The following C8orf34 variants were observed in gnomAD, a reference collection of about 807,000 sequenced individuals.
C8orf34 encodes chromosome 8 open reading frame 34, also known as uncharacterized protein C8orf34.
In C8orf34, 65 loss-of-function variants were observed where a neutral mutation model predicts 68.3. The ratio of observed to expected loss-of-function variants is 0.95; its 90% CI spans 0.78 to 1.17. The LOEUF (loss-of-function observed/expected upper bound fraction) is 1.17, where lower values mean the gene tolerates loss of function less well. Ranked by LOEUF, C8orf34 falls within the 50% of genes most tolerant of loss-of-function variation. C8orf34 has a pLI of 0.00. For synonymous variants in C8orf34, 244 were observed against 241.2 expected, an observed-to-expected ratio of 1.01 and a Z score of -0.11; for missense variants, 664 against 655.4, an observed-to-expected ratio of 1.01 and a Z score of -0.14.
At chr8:68,413,766 T>C (rs1420559740) in intron 1 of C8orf34, among the ~76,000 whole-genome samples, 2 of 152,238 alleles carry the variant, frequency 1.3e-5, no homozygotes, top group African/African-American at 4.8e-5. Context: ...TATAGTTCAC[T>C]AGTTTCTGAA....
intron 7 of C8orf34, among the ~76,000 whole-genome samples, chr8:68,630,866 A>G (rs1201468940): frequency 6.6e-6 from 1 of 151,650 alleles, no homozygotes; most frequent in Non-Finnish European, 1.5e-5. Flanking sequence ...TGCAGCCTCA[A>G]CCTCATGGGC....
intron 12 of C8orf34, among the ~76,000 whole-genome samples, chr8:68,794,811 A>AT (rs1824130118): frequency 6.6e-6 from 1 of 151,990 alleles, no homozygotes; most frequent in African/African-American, 2.4e-5. Flanking sequence ...TGTATTATAC[A>AT]TACCAGTTGA....
At chr8:68,349,609 CT>C (rs1012781103) in intron 1 of C8orf34, among the ~76,000 whole-genome samples, 7 of 151,762 alleles carry the variant, frequency 4.6e-5, no homozygotes, top group African/African-American at 1.7e-4. Context: ...AGGGTCCAGG[CT>C]TTTTTTAGTT....
chr8:68,625,404 T>C, intron 7 of C8orf34: 1 of 495,318 alleles, frequency 2.0e-6, no homozygotes, highest in Non-Finnish European at 3.6e-6. Flanking sequence ...GGTTGTGAGG[T>C]GACAGAATGC....
At chr8:68,719,912 G>T (rs1335030160) in intron 9 of C8orf34, among the ~76,000 whole-genome samples, 3 of 151,922 alleles carry the variant, frequency 2.0e-5, no homozygotes, top group African/African-American at 7.2e-5. Context: ...AGTAGCATTT[G>T]CTCACAGTTC....
intron 11 of C8orf34, among the ~76,000 whole-genome samples, chr8:68,777,989 T>G (rs1823570394): frequency 6.6e-6 from 1 of 152,326 alleles, no homozygotes; most frequent in South Asian, 2.1e-4. Context: ...ATTATTGACT[T>G]ATAGTGAGAT....
intron 1 of C8orf34, among the ~76,000 whole-genome samples, chr8:68,379,419 CA>C (rs1431433784): frequency 6.6e-6 from 1 of 152,304 alleles, no homozygotes; most frequent in East Asian, 1.9e-4. Flanking sequence ...CACATTCCTA[CA>C]GGTACATTAA....
chr8:68,462,892 A>G (rs1811912305), intron 3 of C8orf34, among the ~76,000 whole-genome samples: 2 of 152,174 alleles, frequency 1.3e-5, no homozygotes, highest in Admixed American at 1.3e-4. Context: ...CTAGAAAAGC[A>G]AGAGCAAACA....
At position 68,655,061 on chromosome 8, in the gene C8orf34, C is replaced by T. The variant is rs80307248; in HGVS notation, c.1241+14550C>T. Among the ~76,000 whole-genome samples the T allele has an allele frequency of 9.7e-4, 148 of 152,088 alleles. No homozygotes were observed. In the East Asian group the frequency reaches 0.022, roughly 23 times the overall value. ...TAGAGGCTTTAATAAAAATCACTGG[C>T]GTTTATTTACATTTAATACCCATTT... On this transcript the variant is annotated intron_variant, in intron 8 of 13. Coordinates refer to ENST00000518698, the MANE Select transcript of C8orf34 (RefSeq NM_052958.4).
At chr8:68,734,596 G>T (rs1822071880) in intron 10 of C8orf34, among the ~76,000 whole-genome samples, 1 of 152,124 alleles carries the variant, frequency 6.6e-6, no homozygotes, top group Non-Finnish European at 1.5e-5. Context: ...CTTCTGGCCA[G>T]TGCCCCACCT....
chr8:68,591,304 C>T (rs1445463362), intron 7 of C8orf34, among the ~76,000 whole-genome samples: 1 of 152,122 alleles, frequency 6.6e-6, no homozygotes, highest in African/African-American at 2.4e-5. Flanking sequence ...AGAGAATATT[C>T]AGAAGCTACA....
At chr8:68,498,047 C>T (rs183359659) in intron 5 of C8orf34, among the ~76,000 whole-genome samples, 41 of 152,272 alleles carry the variant, frequency 2.7e-4, no homozygotes, top group African/African-American at 7.9e-4. Context: ...AGGCTGCTCT[C>T]GACCTCCCGA....
chr8:68,531,225 G>A (rs1266268765), intron 6 of C8orf34, among the ~76,000 whole-genome samples: 24 of 152,006 alleles, frequency 1.6e-4, no homozygotes, highest in Admixed American at 1.6e-3. Context: ...ATCTAATGTA[G>A]AGTCCACTTT....
At position 68,723,002 on chromosome 8, in the gene C8orf34, T is replaced by C. The variant is rs919190242; in HGVS notation, c.1404+1565T>C. ...ATTCAATGCAGAGATATCTAACCTA[T>C]AGATAAGGAAACAGAAATTCAGAGA... On this transcript the variant is annotated intron_variant, in intron 10 of 13. Coordinates refer to ENST00000518698, the MANE Select transcript of C8orf34 (RefSeq NM_052958.4). Among the ~76,000 whole-genome samples the C allele has an allele frequency of 8.5e-5, 13 of 152,130 alleles. No homozygotes were observed. The East Asian group carries it at 1.7e-3, about 20-fold the overall frequency.
chr8:68,632,111 G>A (rs1374125135), intron 7 of C8orf34, among the ~76,000 whole-genome samples: 2 of 152,162 alleles, frequency 1.3e-5, no homozygotes, highest in African/African-American at 4.8e-5. Context: ...ACTTCCTAGA[G>A]ACTTGTTGAA....
rs540394036 is a variant in C8orf34 at position 68,702,471 on chromosome 8, C to T, written c.1242-6523C>T. Among the ~76,000 whole-genome samples the T allele has an allele frequency of 4.0e-5, 6 of 151,898 alleles. No individual in the cohort carries two copies. The South Asian group carries it at 1.2e-3, about 31-fold the overall frequency. ...TGGATATATTGTTTGTTACTTGCAA[C>T]GTATTCAATTCTTATTCAATTCAAA... On this transcript the variant is annotated intron_variant, in intron 8 of 13. Transcript: ENST00000518698.
intron 10 of C8orf34, among the ~76,000 whole-genome samples, chr8:68,726,887 G>A (rs1821846253): frequency 6.6e-6 from 1 of 151,996 alleles, no homozygotes; most frequent in African/African-American, 2.4e-5. Context: ...GGGAATTCTG[G>A]GATTTACAAT....
intron 1 of C8orf34, among the ~76,000 whole-genome samples, chr8:68,370,968 C>G (rs192170270): frequency 9.0e-4 from 137 of 152,176 alleles, no homozygotes; most frequent in African/African-American, 3.1e-3. Context: ...TGGTATCTGA[C>G]TCTTAAAAAA....
intron 1 of C8orf34, among the ~76,000 whole-genome samples, chr8:68,423,613 A>G (rs1044802840): frequency 1.3e-5 from 2 of 151,568 alleles, no homozygotes; most frequent in Non-Finnish European, 2.9e-5. Flanking sequence ...AACTGTTCCA[A>G]CCTCTGCCTG....
Sources: allele counts gnomAD v4.1 joint callset (sites outside exome capture counted in the v4.1 genomes callset), GRCh38; gene constraint gnomAD v4.1.1; transcripts MANE v1.5; gene names NCBI Gene and HGNC (gene_info 2026-07-23, HGNC 2026-07-21).